Variants in EPSTI1 observed in about 807,000 individuals in gnomAD.
The protein encoded by EPSTI1 is epithelial-stromal interaction protein 1.
In EPSTI1, 66 loss-of-function variants were observed where a neutral mutation model predicts 49.9. That is an observed-to-expected ratio of 1.32 (90% CI 1.08 to 1.62). EPSTI1 has a LOEUF of 1.62. Among genes scored for constraint, EPSTI1 ranks in the 40% most tolerant of loss-of-function variants. The pLI is 0.00. For synonymous variants in EPSTI1, 137 were observed against 130.7 expected (o/e 1.05, Z -0.33); for missense variants, 394 against 365.5 (o/e 1.08, Z -0.64).
intron 10 of EPSTI1, among the ~76,000 whole-genome samples, chr13:42,890,375 G>A (rs1400756064): frequency 7.0e-6 from 1 of 142,096 alleles, no homozygotes; most frequent in Non-Finnish European, 1.5e-5. Context: ...CCTGCTCACC[G>A]CAAGCTCCGC....
intron 7 of EPSTI1, among the ~76,000 whole-genome samples, chr13:42,919,998 G>A (rs566230142): frequency 6.6e-6 from 1 of 152,236 alleles, no homozygotes; most frequent in East Asian, 1.9e-4. Context: ...TTGGCCTGCA[G>A]ACTCCATCTT....
intron 5 of EPSTI1, among the ~76,000 whole-genome samples, chr13:42,960,126 T>C (rs2039403324): frequency 6.6e-6 from 1 of 152,152 alleles, no homozygotes; most frequent in Non-Finnish European, 1.5e-5. Context: ...ATCTCCCATA[T>C]CTAAAGGATG....
intron 5 of EPSTI1, among the ~76,000 whole-genome samples, chr13:42,960,312 G>A (rs1044230802): frequency 6.6e-6 from 1 of 152,172 alleles, no homozygotes; most frequent in Non-Finnish European, 1.5e-5. Flanking sequence ...TATTTATCAT[G>A]TGATTATGGG....
At chr13:42,975,817 A>C (rs2039870860) in intron 1 of EPSTI1, among the ~76,000 whole-genome samples, 1 of 72,438 alleles carries the variant, frequency 1.4e-5, no homozygotes, top group African/African-American at 5.8e-5. Flanking sequence ...AAAGCCACAC[A>C]AAAAAAAGTT....
chr13:42,919,267 G>C, intron 7 of EPSTI1: 1 of 1,610,392 alleles, frequency 6.2e-7, no homozygotes, highest in South Asian at 1.1e-5. Context: ...CTTATGAAAA[G>C]TTCAGTTACT....
At chr13:42,891,326 G>A (rs1351018406) in intron 10 of EPSTI1, among the ~76,000 whole-genome samples, 6 of 152,114 alleles carry the variant, frequency 3.9e-5, no homozygotes, top group Non-Finnish European at 1.5e-5. Flanking sequence ...AAGTTTAATA[G>A]AATTTGGCTC....
At position 42,922,503 on chromosome 13, in the gene EPSTI1, C is replaced by CT. The variant is rs1310710406; in HGVS notation, c.657+3832_657+3833insA. 2.0e-4 allele frequency among the ~76,000 whole-genome samples: 31 copies of CT among 152,150 alleles called. No individual in the cohort carries two copies. Among genetic ancestry groups the CT allele is most frequent in the African/African-American group, 7.0e-4 (29 of 41,460 alleles). On this transcript the variant is annotated intron_variant, in intron 7 of 10. Coordinates refer to ENST00000313624, the MANE Select transcript of EPSTI1 (RefSeq NM_033255.5). The surrounding 1 kb of genome is among the most constrained non-coding windows in gnomAD (Gnocchi z 4.8). ...GCGGGGACAGGGGACAGATGCCCCC[C>CT]GGAAGCTTCAAAAGGAACCATTCCT...
chr13:42,941,640 A>T lies in EPSTI1; in HGVS notation c.563+12308T>A, dbSNP rs7318536. 9.9e-3 allele frequency among the ~76,000 whole-genome samples: 1,490 copies of T among 150,768 alleles called. 20 individuals are homozygous for T. The highest frequency in any genetic ancestry group is 0.033 in the African/African-American group (1,372 of 41,274). ...GGAAAAAAAAAAAAACAGAAAAAAA[A>T]TTTTTTAAGTAAACAGACTATAATT... On this transcript the variant is annotated intron_variant, in intron 6 of 10. Transcript: ENST00000313624.
At position 42,888,024 on chromosome 13, in the gene EPSTI1, A is replaced by G; in HGVS notation, c.*470T>C. ...CAAAATTTATTTATAAATTTGTGTA[A>G]AAGAATATAAGACCTTTTTCTTTTG... is the stretch of plus-strand genomic sequence containing the variant. On this transcript the variant is annotated 3_prime_UTR_variant, in exon 11 of 11. Transcript: ENST00000313624. The G allele has an allele frequency of 2.7e-6, 1 of 369,168 alleles. No individual in the cohort carries two copies. The allele number at this position is 369,168 out of a possible 1,614,324, so 22.9% of individuals were successfully genotyped here.
chr13:42,987,356 A>G (rs1358898051), intron 1 of EPSTI1, among the ~76,000 whole-genome samples: 6 of 151,952 alleles, frequency 3.9e-5, no homozygotes, highest in Non-Finnish European at 8.8e-5. Flanking sequence ...TCAGGAAAAA[A>G]AAAACCACAC....
intron 8 of EPSTI1, among the ~76,000 whole-genome samples, chr13:42,907,676 T>TA (rs2037534973): frequency 6.6e-6 from 1 of 152,258 alleles, no homozygotes; most frequent in Non-Finnish European, 1.5e-5. Flanking sequence ...TTCTAAAGTT[T>TA]AAATTTCATT....
intron 1 of EPSTI1, among the ~76,000 whole-genome samples, chr13:42,991,677 T>C (rs1294382914): frequency 6.6e-6 from 1 of 152,222 alleles, no homozygotes; most frequent in Non-Finnish European, 1.5e-5. Flanking sequence ...GACATCTTAC[T>C]GGATGCCTAG....
rs191771853 is a variant in EPSTI1 at position 42,956,713 on chromosome 13, C to T, written c.490-2692G>A. The stretch of plus-strand genomic sequence containing the variant: ...AAGGCAACCATGGGCTGGTAGTAAC[C>T]CTGGACAGGAAAGGGGCATTCCCAG... On this transcript the variant is annotated intron_variant, in intron 5 of 10. Coordinates refer to ENST00000313624, the MANE Select transcript of EPSTI1 (RefSeq NM_033255.5). 2.1e-3 allele frequency among the ~76,000 whole-genome samples: 313 copies of T among 152,212 alleles called. 1 individual carries two copies. Among genetic ancestry groups the T allele is most frequent in the African/African-American group, 7.2e-3 (297 of 41,534 alleles).
intron 8 of EPSTI1, among the ~76,000 whole-genome samples, chr13:42,916,471 G>C (rs1232314514): frequency 6.6e-6 from 1 of 152,024 alleles, no homozygotes; most frequent in African/African-American, 2.4e-5. Context: ...CCACACTGTT[G>C]GGAAGAAGAT....
intron 5 of EPSTI1, among the ~76,000 whole-genome samples, chr13:42,958,716 A>G (rs1176802474): frequency 6.6e-6 from 1 of 152,172 alleles, no homozygotes; most frequent in Non-Finnish European, 1.5e-5. Context: ...ACGTGCTGCA[A>G]ATGAAAGGAG....
chr13:42,958,941 GA>G (rs1183576069), intron 5 of EPSTI1, among the ~76,000 whole-genome samples: 1 of 152,050 alleles, frequency 6.6e-6, no homozygotes, highest in African/African-American at 2.4e-5. Context: ...TGAAATAATT[GA>G]ACCCATCCAA....
chr13:42,975,929 C>T (rs935781874), intron 1 of EPSTI1, among the ~76,000 whole-genome samples: 6 of 152,186 alleles, frequency 3.9e-5, no homozygotes, highest in African/African-American at 1.4e-4. Context: ...ATGGGACCAT[C>T]GTTGAGATGG....
At chr13:42,915,564 CCAA>C (rs1025398168) in intron 8 of EPSTI1, among the ~76,000 whole-genome samples, 3 of 151,926 alleles carry the variant, frequency 2.0e-5, no homozygotes, top group East Asian at 1.9e-4. Flanking sequence ...TGAACGTTTC[CCAA>C]CAACAACACG....
intron 6 of EPSTI1, among the ~76,000 whole-genome samples, chr13:42,948,453 G>A (rs977655717): frequency 1.2e-5 from 1 of 84,678 alleles, no homozygotes; most frequent in African/African-American, 4.8e-5. Context: ...CTGTTTGTTT[G>A]TTTTTTGTGT....
Sources: allele counts gnomAD v4.1 joint callset (sites outside exome capture counted in the v4.1 genomes callset), GRCh38; gene constraint gnomAD v4.1.1; non-coding constraint Gnocchi (gnomAD v3.1); transcripts MANE v1.5; gene names NCBI Gene and HGNC (gene_info 2026-07-23, HGNC 2026-07-21).